Variants in NLGN4X observed in about 807,000 individuals in gnomAD.
NLGN4X encodes neuroligin-4, X-linked.
A neutral mutation model predicts 40.3 loss-of-function variants in NLGN4X; 3 were observed. That is an observed-to-expected ratio of 0.07 (90% CI 0.03 to 0.19). The LOEUF is 0.19. Ranked by LOEUF, NLGN4X falls within the 10% of genes least tolerant of loss-of-function variation. The pLI is 1.00. For missense variants in NLGN4X, 382 were observed against 708.3 expected, an observed-to-expected ratio of 0.54 and a Z score of 5.23; for synonymous variants, 270 against 306.8, an observed-to-expected ratio of 0.88 and a Z score of 1.25.
In NLGN4X at chrX:5,962,982, G is replaced by C. The variant is rs758673455; in HGVS notation, c.626-53743C>G. On this transcript the variant is annotated intron_variant, in intron 3 of 5. Coordinates refer to ENST00000381095, the MANE Select transcript of NLGN4X (RefSeq NM_181332.3). ...GTATTTTGTTATAGCAGTCTGAGTG[G>C]ACTAAGACAGAAATTGGTACTGAGA... 5.0e-5 allele frequency among the ~76,000 whole-genome samples: 5 copies of C among 100,487 alleles called. No individual in the cohort carries two copies. In the East Asian group the frequency reaches 1.6e-3, roughly 32 times the overall value. 87.3% of individuals were successfully genotyped at this position (100,487 alleles called of 115,157 possible).
intron 3 of NLGN4X, among the ~76,000 whole-genome samples, chrX:6,008,254 T>C (rs1320239892): frequency 1.8e-5 from 2 of 112,155 alleles, no homozygotes; most frequent in Non-Finnish European, 3.8e-5. Context: ...CCTATAGTCC[T>C]CTTCCAAGCA....
At chrX:6,098,319 T>C (rs1370729441) in intron 2 of NLGN4X, among the ~76,000 whole-genome samples, 1 of 111,050 alleles carries the variant, frequency 9.0e-6, no homozygotes, top group Non-Finnish European at 1.9e-5. Flanking sequence ...TAAATAAAAA[T>C]AATAATAAAA....
At chrX:6,219,884 A>G (rs1288074625) in intron 1 of NLGN4X, among the ~76,000 whole-genome samples, 1 of 112,197 alleles carries the variant, frequency 8.9e-6, no homozygotes, top group Non-Finnish European at 1.9e-5. Context: ...AGCTGGTTAT[A>G]TTTTAAAACT....
chrX:5,996,848 C>T (rs927585713), intron 3 of NLGN4X, among the ~76,000 whole-genome samples: 2 of 110,919 alleles, frequency 1.8e-5, no homozygotes, highest in Non-Finnish European at 3.8e-5. Context: ...CCGCCGGCCT[C>T]GGCCTCCCAA....
At chrX:5,992,213 G>A (rs1318950805) in intron 3 of NLGN4X, among the ~76,000 whole-genome samples, 3 of 112,326 alleles carry the variant, frequency 2.7e-5, no homozygotes, top group South Asian at 3.7e-4. Flanking sequence ...AACTTGTCTA[G>A]GATCACAGAC....
At chrX:6,131,753 T>G (rs968236783) in intron 2 of NLGN4X, among the ~76,000 whole-genome samples, 7 of 112,370 alleles carry the variant, frequency 6.2e-5, no homozygotes, top group Non-Finnish European at 1.3e-4. Flanking sequence ...CCCTTTTCAC[T>G]GTCCCATTGG....
Position 6,103,947 on chromosome X carries a change from G to T in NLGN4X, c.472+47048C>A, listed in dbSNP as rs368542727. Among the ~76,000 whole-genome samples the T allele has an allele frequency of 1.9e-3, 210 of 112,181 alleles. 1 individual carries two copies. Among genetic ancestry groups the T allele is most frequent in the African/African-American group, 6.1e-3 (189 of 30,918 alleles). ...ATTGCAAAGAATAGTAATAGAATAC[G>T]TATGTGCAATTGGGTGCACCTGAGT... On this transcript the variant is annotated intron_variant, in intron 2 of 5. Transcript: ENST00000381095.
In NLGN4X at chrX:6,108,708, C is replaced by T. The variant is rs184352652; in HGVS notation, c.472+42287G>A. Among the ~76,000 whole-genome samples, 5 of 108,021 alleles carry T rather than the reference C, an allele frequency of 4.6e-5. No homozygotes were observed. The East Asian group carries it at 1.5e-3, about 31-fold the overall frequency. The allele number at this position is 108,021 out of a possible 115,157, so 93.8% of individuals were successfully genotyped here. On this transcript the variant is annotated intron_variant, in intron 2 of 5. Coordinates refer to ENST00000381095, the MANE Select transcript of NLGN4X (RefSeq NM_181332.3). ...CAAAAAAAAAGGAAGAAAAATACTG[C>T]GTAGTTGTAGAAATCAATTTTCCAT... is the stretch of plus-strand genomic sequence containing the variant.
chrX:6,021,018 C>T (rs1175872140), intron 3 of NLGN4X, among the ~76,000 whole-genome samples: 18 of 16,491 alleles, frequency 1.1e-3, no homozygotes, highest in African/African-American at 3.5e-3. Flanking sequence ...CTCTCTCTCT[C>T]TCTCTCTCTC....
chrX:6,155,907 C>A (rs779203853), intron 1 of NLGN4X, among the ~76,000 whole-genome samples: 1 of 112,121 alleles, frequency 8.9e-6, no homozygotes. Flanking sequence ...GATGCTGTTG[C>A]GGCTGCAGAG....
intron 2 of NLGN4X, among the ~76,000 whole-genome samples, chrX:6,046,777 TTA>T (rs2037329300): frequency 9.2e-6 from 1 of 109,263 alleles, no homozygotes; most frequent in South Asian, 3.8e-4. Flanking sequence ...CACATTAATG[TTA>T]TATATATACT....
intron 2 of NLGN4X, among the ~76,000 whole-genome samples, chrX:6,109,315 C>T (rs1207625224): frequency 9.0e-6 from 1 of 111,314 alleles, no homozygotes; most frequent in East Asian, 2.8e-4. Context: ...ACTGCATTTA[C>T]AATTTTATAA....
At chrX:6,049,735 G>C (rs957879405) in intron 2 of NLGN4X, among the ~76,000 whole-genome samples, 17 of 22,541 alleles carry the variant, frequency 7.5e-4, no homozygotes, top group Non-Finnish European at 1.1e-3. Flanking sequence ...TAAAATGGGG[G>C]GGGGGGGCGG....
chrX:5,986,254 C>T (rs1293551449), intron 3 of NLGN4X, among the ~76,000 whole-genome samples: 2 of 111,671 alleles, frequency 1.8e-5, no homozygotes, highest in South Asian at 3.7e-4. Context: ...ATATAAATTG[C>T]GGATTATTAT....
At chrX:6,180,422 T>C (rs1036334735) in intron 1 of NLGN4X, among the ~76,000 whole-genome samples, 2 of 110,665 alleles carry the variant, frequency 1.8e-5, no homozygotes, top group African/African-American at 3.3e-5. Flanking sequence ...TTCCTCCTGC[T>C]CCGGCCATGT....
chrX:6,122,617 A>G (rs1310170587), intron 2 of NLGN4X, among the ~76,000 whole-genome samples: 13 of 110,312 alleles, frequency 1.2e-4, no homozygotes, highest in African/African-American at 4.0e-4. Flanking sequence ...AGAACTCCCA[A>G]GAAATTTTTA....
At chrX:6,216,758 A>G (rs1363069838) in intron 1 of NLGN4X, among the ~76,000 whole-genome samples, 1 of 112,400 alleles carries the variant, frequency 8.9e-6, no homozygotes, top group African/African-American at 3.2e-5. Context: ...AATAACACCA[A>G]TCAAATTCTG....
chrX:6,162,895 G>A (rs1018881883), intron 1 of NLGN4X, among the ~76,000 whole-genome samples: 3 of 111,923 alleles, frequency 2.7e-5, no homozygotes, highest in African/African-American at 9.7e-5. Flanking sequence ...TGGTTTGACT[G>A]TGTCCCCACA....
At position 5,925,833 on chromosome X, in the gene NLGN4X, TATATATATATACATACAC is replaced by T. The variant is rs1325948570; in HGVS notation, c.626-16612_626-16595del. ...TTGGTAATGAATCCCACCATATATA[TATATATATATACATACAC>T]ATATATATATATATATATATACATA... is the stretch of plus-strand genomic sequence containing the variant. On this transcript the variant is annotated intron_variant, in intron 3 of 5. Coordinates refer to ENST00000381095, the MANE Select transcript of NLGN4X (RefSeq NM_181332.3). Among the ~76,000 whole-genome samples, 330 of 57,217 alleles carry T rather than the reference TATATATATATACATACAC, an allele frequency of 5.8e-3. 4 individuals are homozygous for T. Among genetic ancestry groups the T allele is most frequent in the Non-Finnish European group, 8.3e-3 (282 of 33,885 alleles). 49.7% of individuals were successfully genotyped at this position (57,217 alleles called of 115,157 possible).
Sources: allele counts gnomAD v4.1 joint callset (sites outside exome capture counted in the v4.1 genomes callset), GRCh38; gene constraint gnomAD v4.1.1; transcripts MANE v1.5; gene names NCBI Gene and HGNC (gene_info 2026-07-23, HGNC 2026-07-21).